Variants in SMCHD1 observed in about 807,000 individuals in gnomAD.
SMCHD1 encodes structural maintenance of chromosomes flexible hinge domain-containing protein 1.
Under a neutral mutation model 254.7 loss-of-function variants are expected in SMCHD1, and 78 were observed. The observed-to-expected ratio is 0.31, with a 90% confidence interval of 0.26 to 0.37. The LOEUF is 0.37. SMCHD1 is among the 10% of genes least tolerant of loss of function. SMCHD1 has a pLI of 1.00. For missense variants in SMCHD1, 1,840 were observed against 2,408.1 expected (o/e 0.76, Z 4.94); for synonymous variants, 766 against 794.9 (o/e 0.96, Z 0.61).
Position 2,802,530 on chromosome 18 carries a change from T to C in SMCHD1, c.5996T>C (p.Ile1999Thr). 6.4e-7 allele frequency: 1 copy of C among 1,553,650 alleles called. No individual in the cohort carries two copies. Among genetic ancestry groups the C allele is most frequent in the Non-Finnish European group, 8.7e-7 (1 of 1,148,108 alleles). ...TTTTTTCTTTCCCCTTTGACCAGGATTATAACCAAAACAGATGTATGAGAG... is the reference window on the plus strand; with the variant it reads ...TTTTTTCTTTCCCCTTTGACCAGGACTATAACCAAAACAGATGTATGAGAG... ...MRREATRQNR[I>T]ITKTDV The change falls in exon 48 of 48, where the codon ATT becomes ACT. Residue 1999 changes from isoleucine (I) to threonine (T), a missense_variant and splice_region_variant. Physicochemically the swap from Ile to Thr is moderately conservative, Grantham distance 89 (BLOSUM62 -1). This residue lies in a region of SMCHD1 where 132 missense variants were observed against 138.2 expected (regional missense o/e 0.95). Coordinates refer to ENST00000320876, the MANE Select transcript of SMCHD1 (RefSeq NM_015295.3).
chr18:2,685,002 A>T (rs2074010322), intron 5 of SMCHD1, among the ~76,000 whole-genome samples: 1 of 151,952 alleles, frequency 6.6e-6, no homozygotes, highest in African/African-American at 2.4e-5. Context: ...TCCTTAATGT[A>T]AAAAGGCTTC....
intron 25 of SMCHD1, among the ~76,000 whole-genome samples, chr18:2,735,928 A>G (rs2075240072): frequency 1.3e-5 from 2 of 152,230 alleles, no homozygotes; most frequent in South Asian, 4.1e-4. Context: ...TGGAACTAAA[A>G]AAGAGCTCAA....
At chr18:2,778,117 A>C in intron 43 of SMCHD1, 52 bp from the exon 44 acceptor site, 2 of 1,347,666 alleles carry the variant, frequency 1.5e-6, no homozygotes, top group Non-Finnish European at 2.1e-6. Context: ...ATATTTTAAT[A>C]TGGCCAAGGA....
intron 13 of SMCHD1, among the ~76,000 whole-genome samples, chr18:2,704,701 C>T (rs987528624): frequency 6.6e-6 from 1 of 151,274 alleles, no homozygotes; most frequent in African/African-American, 2.4e-5. Flanking sequence ...TTGTGTGGAC[C>T]TTGAAAGGGG....
In SMCHD1 at chr18:2,678,560, G is replaced by A. The variant is rs141424898; in HGVS notation, c.638+4415G>A. 2.2e-4 allele frequency among the ~76,000 whole-genome samples: 33 copies of A among 152,014 alleles called. No individual in the cohort carries two copies. In the East Asian group the frequency reaches 5.8e-3, roughly 27 times the overall value. ...TCGAACTCCTGACCTTAGGTAATCC[G>A]CCCACCTCGGCCTCCCAAAGGACTG... On this transcript the variant is annotated intron_variant, in intron 5 of 47. Transcript: ENST00000320876.
In SMCHD1 at chr18:2,703,679, T is replaced by G. The variant is rs2074453122; in HGVS notation, c.1648-13T>G. 6.3e-7 allele frequency: 1 copy of G among 1,592,680 alleles called. No homozygotes were observed. Among genetic ancestry groups the G allele is most frequent in the African/African-American group, 1.4e-5 (1 of 73,562 alleles). On this transcript the variant is annotated splice_polypyrimidine_tract_variant and intron_variant, in intron 12 of 47. Transcript: ENST00000320876. ...AGTAGCTATATTTCATAAAACATTT[T>G]AAAATTCTACAGGAACAGCGAATGA...
At chr18:2,766,368 CAA>C (rs1192359760) in intron 37 of SMCHD1, among the ~76,000 whole-genome samples, 3 of 152,234 alleles carry the variant, frequency 2.0e-5, no homozygotes, top group Non-Finnish European at 2.9e-5. Context: ...GAGATTCAGA[CAA>C]GAGATTTAGC....
chr18:2,671,041 A>G lies in SMCHD1; in HGVS notation c.425-2240A>G, dbSNP rs532683436. 4.1e-3 allele frequency among the ~76,000 whole-genome samples: 625 copies of G among 150,682 alleles called. 4 individuals carry two copies. Among genetic ancestry groups the G allele is most frequent in the African/African-American group, 0.015 (597 of 40,828 alleles). On this transcript the variant is annotated intron_variant, in intron 3 of 47. Coordinates refer to ENST00000320876, the MANE Select transcript of SMCHD1 (RefSeq NM_015295.3). ...AACCTCCGCCTCCTGGGTTCAAGCA[A>G]TTCCCCTGCCTCAGCCTCCCAAGTA...
At chr18:2,709,006 A>G (rs910581808) in intron 17 of SMCHD1, among the ~76,000 whole-genome samples, 4 of 146,406 alleles carry the variant, frequency 2.7e-5, no homozygotes, top group Non-Finnish European at 6.0e-5. Context: ...CATCATTTCA[A>G]ACTGAAACTC....
intron 34 of SMCHD1, among the ~76,000 whole-genome samples, chr18:2,758,716 ATC>A (rs1440867649): frequency 6.6e-6 from 1 of 152,040 alleles, no homozygotes; most frequent in Admixed American, 6.5e-5. Context: ...ATCCTTCACT[ATC>A]TCATTCTGTT....
chr18:2,789,205 TA>T (rs201319498), intron 45 of SMCHD1, among the ~76,000 whole-genome samples: 2,829 of 100,494 alleles, frequency 0.028, 43 homozygotes, highest in Middle Eastern at 0.12. Flanking sequence ...GTATTATTAT[TA>T]TTTTTTTTTT....
chr18:2,659,245 G>A (rs188962714), intron 1 of SMCHD1, among the ~76,000 whole-genome samples: 253 of 152,266 alleles, frequency 1.7e-3, no homozygotes, highest in African/African-American at 5.7e-3. Flanking sequence ...GGCCTCTTGA[G>A]TAGCTGGGAT....
chr18:2,795,936 G>T lies in SMCHD1; in HGVS notation c.5720-13G>T. The T allele has an allele frequency of 6.4e-7, 1 of 1,558,730 alleles. No homozygotes were observed. The highest frequency in any genetic ancestry group is 8.7e-7 in the Non-Finnish European group (1 of 1,151,914). On this transcript the variant is annotated splice_polypyrimidine_tract_variant and intron_variant, in intron 45 of 47. Coordinates refer to ENST00000320876, the MANE Select transcript of SMCHD1 (RefSeq NM_015295.3). ...AGCAGTAATTTAATCAAATGCATTT[G>T]GTTTCTTTACAGATCTTCTTCAGCA...
chr18:2,784,397 TGGAGCA>T, intron 44 of SMCHD1, 47 bp from the exon 45 acceptor site: 1 of 1,388,858 alleles, frequency 7.2e-7, no homozygotes, highest in African/African-American at 1.6e-5. Context: ...TCTCCTTTTT[TGGAGCA>T]GTTGAAATAA....
chr18:2,793,292 C>T (rs186307674), intron 45 of SMCHD1, among the ~76,000 whole-genome samples: 227 of 152,180 alleles, frequency 1.5e-3, no homozygotes, highest in Non-Finnish European at 2.4e-3. Flanking sequence ...AGTCATTTTC[C>T]TGGACATGTT....
intron 3 of SMCHD1, among the ~76,000 whole-genome samples, chr18:2,672,251 G>C (rs1446175488): frequency 6.6e-6 from 1 of 152,082 alleles, no homozygotes; most frequent in African/African-American, 2.4e-5. Flanking sequence ...TTTTGAGATA[G>C]AGTCTCGCTC....
chr18:2,658,238 C>T (rs2073132549), intron 1 of SMCHD1, among the ~76,000 whole-genome samples: 1 of 152,190 alleles, frequency 6.6e-6, no homozygotes, highest in Admixed American at 6.5e-5. Flanking sequence ...CTACTTTACC[C>T]TTCCTCTAGA....
At chr18:2,729,741 C>G (rs1449986309) in intron 24 of SMCHD1, among the ~76,000 whole-genome samples, 1 of 147,078 alleles carries the variant, frequency 6.8e-6, no homozygotes, top group Non-Finnish European at 1.5e-5. Flanking sequence ...TAGGGTCTCA[C>G]TCTGTTGTCT....
chr18:2,743,605 A>G (rs2075392102), intron 28 of SMCHD1, among the ~76,000 whole-genome samples, 156 bp from the exon 29 acceptor site: 1 of 152,196 alleles, frequency 6.6e-6, no homozygotes, highest in South Asian at 2.1e-4. Flanking sequence ...AATAAAATGC[A>G]TGGCATGCCA....
Sources: gnomAD v4.1 joint callset for allele counts (sites outside exome capture counted in the v4.1 genomes callset) on GRCh38, gnomAD v4.1.1 for gene constraint, gnomAD v4.1.1 regional missense constraint, MANE v1.5 for transcripts, NCBI Gene and HGNC (gene_info 2026-07-23, HGNC 2026-07-21) for gene names.